The following GNAL variants were observed in gnomAD, a reference collection of about 807,000 sequenced individuals.
The protein encoded by GNAL is G protein subunit alpha L, also known as guanine nucleotide-binding protein G(olf) subunit alpha.
In GNAL, 18 loss-of-function variants were observed where a neutral mutation model predicts 55.1. The ratio of observed to expected loss-of-function variants is 0.33; its 90% CI spans 0.23 to 0.48. The LOEUF is 0.48. Ranked by LOEUF, GNAL falls within the 20% of genes least tolerant of loss-of-function variation. GNAL has a pLI of 0.99. For missense variants in GNAL, 412 were observed against 614.1 expected (o/e 0.67, Z 3.48); for synonymous variants, 253 against 237.0 (o/e 1.07, Z -0.62).
chr18:11,812,920 T>C (rs1273808998), intron 4 of GNAL, among the ~76,000 whole-genome samples: 1 of 151,812 alleles, frequency 6.6e-6, no homozygotes, highest in Non-Finnish European at 1.5e-5. Context: ...GTAAAAAATC[T>C]ATATGCTGAA....
chr18:11,696,023 T>C (rs2031400023), intron 1 of GNAL, among the ~76,000 whole-genome samples: 1 of 152,190 alleles, frequency 6.6e-6, no homozygotes. Context: ...TAAATGTCTT[T>C]CTTAATGAAG....
chr18:11,765,857 AC>A (rs1343104937), intron 4 of GNAL, among the ~76,000 whole-genome samples: 3 of 152,182 alleles, frequency 2.0e-5, no homozygotes, highest in Non-Finnish European at 4.4e-5. Context: ...GTGAGGCTGA[AC>A]AAAAAAGATT....
At chr18:11,843,992 T>G (rs2035677085) in intron 5 of GNAL, among the ~76,000 whole-genome samples, 1 of 151,656 alleles carries the variant, frequency 6.6e-6, no homozygotes, top group South Asian at 2.1e-4. Flanking sequence ...ACAAAAAACT[T>G]TATGTTTTGG....
Position 11,868,031 on chromosome 18 carries a change from A to G in GNAL, c.911-512A>G, listed in dbSNP as rs1054534111. Among the ~76,000 whole-genome samples, 3 of 152,174 alleles carry G rather than the reference A, an allele frequency of 2.0e-5. No individual in the cohort carries two copies. The highest frequency in any genetic ancestry group is 7.2e-5 in the African/African-American group (3 of 41,438). The stretch of plus-strand genomic sequence containing the variant: ...TCCCAGCTACTCGGGAGGCTGAGGC[A>G]GGAGAATCACCTGAACCCGGGAGGC... On this transcript the variant is annotated intron_variant, in intron 8 of 11. Transcript: ENST00000334049. The surrounding 1 kb of genome is among the most constrained non-coding windows in gnomAD (Gnocchi z 4.0).
intron 4 of GNAL, among the ~76,000 whole-genome samples, chr18:11,762,952 T>G (rs1306937545): frequency 6.6e-6 from 1 of 152,232 alleles, no homozygotes; most frequent in East Asian, 1.9e-4. Context: ...AAGTATTGTA[T>G]TATTCTGCAC....
At chr18:11,810,791 C>T (rs997212004) in intron 4 of GNAL, 3 of 152,344 alleles carry the variant, frequency 2.0e-5, no homozygotes, top group African/African-American at 7.2e-5. Flanking sequence ...TCCATCCACG[C>T]TGGCTATAAG....
chr18:11,865,755 TAAAAAAAAA>T (rs777122802), intron 7 of GNAL, among the ~76,000 whole-genome samples: 1 of 81,226 alleles, frequency 1.2e-5, no homozygotes, highest in Non-Finnish European at 2.4e-5. Flanking sequence ...ACCCTGTCTC[TAAAAAAAAA>T]AAAAAAAAAA....
At chr18:11,709,358 A>T (rs2031786733) in intron 1 of GNAL, among the ~76,000 whole-genome samples, 1 of 147,598 alleles carries the variant, frequency 6.8e-6, no homozygotes, top group Non-Finnish European at 1.5e-5. Context: ...AGTCATTAGG[A>T]TTTCCCTGGG....
At chr18:11,863,524 A>G (rs1567899267) in intron 6 of GNAL, among the ~76,000 whole-genome samples, 2 of 152,230 alleles carry the variant, frequency 1.3e-5, no homozygotes, top group East Asian at 3.8e-4. Context: ...GTCTTGAGTC[A>G]GTCCCTCAAC....
intron 1 of GNAL, among the ~76,000 whole-genome samples, chr18:11,729,696 G>A (rs1254693467): frequency 6.6e-6 from 1 of 152,110 alleles, no homozygotes; most frequent in Non-Finnish European, 1.5e-5. Context: ...GCAGAATCTG[G>A]CATAAAATGC....
rs376250066 is a variant in GNAL, at chr18:11,775,175, C to G, written c.624+21230C>G. On this transcript the variant is annotated intron_variant, in intron 4 of 11. Transcript: ENST00000334049. ...ACTCTGTGGCATTTCCCAGTCTTAGCAAGTGGTTCTGGGGGGCCCTGATGA... is the reference window on the plus strand; with the variant it reads ...ACTCTGTGGCATTTCCCAGTCTTAGGAAGTGGTTCTGGGGGGCCCTGATGA... Among the ~76,000 whole-genome samples the G allele has an allele frequency of 1.4e-4, 21 of 152,328 alleles. No homozygotes were observed. In the South Asian group the frequency reaches 3.5e-3, roughly 26 times the overall value.
chr18:11,820,578 A>G (rs995856143), intron 4 of GNAL, among the ~76,000 whole-genome samples: 2 of 152,244 alleles, frequency 1.3e-5, no homozygotes, highest in African/African-American at 4.8e-5. Context: ...TATGGATGAA[A>G]AGAAATTGGC....
chr18:11,779,427 T>C (rs1463281113), intron 4 of GNAL, among the ~76,000 whole-genome samples: 2 of 152,194 alleles, frequency 1.3e-5, no homozygotes, highest in Non-Finnish European at 2.9e-5. Flanking sequence ...TTGAGACTGA[T>C]GGATAGACTT....
intron 4 of GNAL, among the ~76,000 whole-genome samples, chr18:11,784,071 G>A (rs780613776): frequency 2.5e-4 from 38 of 152,188 alleles, no homozygotes; most frequent in Non-Finnish European, 1.3e-4. Flanking sequence ...TGTCCACGTG[G>A]CCCAGCAAGC....
rs1307355044 is a variant in GNAL, at chr18:11,884,943, A to G, written c.*3808A>G. The G allele has an allele frequency of 1.5e-6, 2 of 1,291,984 alleles. No homozygotes were observed. The highest frequency in any genetic ancestry group is 1.5e-5 in the African/African-American group (1 of 65,816). 80.0% of individuals were successfully genotyped at this position (1,291,984 alleles called of 1,614,324 possible). A position where few individuals can be genotyped will look rare whatever the true frequency, so the allele number is the denominator to read the frequency against. On this transcript the variant is annotated 3_prime_UTR_variant, in exon 12 of 12. Coordinates refer to ENST00000334049, the MANE Select transcript of GNAL (RefSeq NM_182978.4). Reference sequence around the variant, plus strand: ...ATATAGTGGGGGATCCATAACAGAGATTCAGAGAGGCACCGTGGAGTTCCA... The same window carrying G: ...ATATAGTGGGGGATCCATAACAGAGGTTCAGAGAGGCACCGTGGAGTTCCA...
Position 11,851,970 on chromosome 18 carries a change from C to G in GNAL, c.723-10425C>G, listed in dbSNP as rs189786598. On this transcript the variant is annotated intron_variant, in intron 5 of 11. Transcript: ENST00000334049. ...CCCAGAACCAAGTGGATATGCTGCT[C>G]CAGGAAATGGCAGATGAGGCGGGCC... 3.7e-6 allele frequency: 6 copies of G among 1,613,946 alleles called. No individual in the cohort carries two copies. In the East Asian group the frequency reaches 1.3e-4, roughly 36 times the overall value.
chr18:11,843,655 C>G (rs887221246), intron 5 of GNAL, among the ~76,000 whole-genome samples: 1 of 152,118 alleles, frequency 6.6e-6, no homozygotes, highest in Admixed American at 6.6e-5. Context: ...TGCTTCCTAA[C>G]GAAAGACAGT....
intron 7 of GNAL, among the ~76,000 whole-genome samples, chr18:11,865,764 A>G: frequency 6.8e-6 from 1 of 147,418 alleles, no homozygotes; most frequent in East Asian, 1.9e-4. Context: ...CTAAAAAAAA[A>G]AAAAAAAAAA....
intron 4 of GNAL, among the ~76,000 whole-genome samples, chr18:11,772,323 C>G (rs181591243): frequency 6.6e-6 from 1 of 152,118 alleles, no homozygotes; most frequent in African/African-American, 2.4e-5. Context: ...AAATTCCATA[C>G]TTAGTATTTA....
Sources: gnomAD v4.1 joint callset for allele counts (sites outside exome capture counted in the v4.1 genomes callset) on GRCh38, gnomAD v4.1.1 for gene constraint, Gnocchi (gnomAD v3.1) non-coding constraint, MANE v1.5 for transcripts, NCBI Gene and HGNC (gene_info 2026-07-23, HGNC 2026-07-21) for gene names.